PDSS1: variants seen among roughly 807,000 people sequenced by gnomAD.
The protein encoded by PDSS1 is decaprenyl diphosphate synthase subunit 1.
A neutral mutation model predicts 57.5 loss-of-function variants in PDSS1; 43 were observed. The ratio of observed to expected loss-of-function variants is 0.75; its 90% CI spans 0.59 to 0.96. PDSS1 has a LOEUF of 0.96. Ranked by LOEUF, PDSS1 falls within the 50% of genes least tolerant of loss-of-function variation. The pLI, the probability that PDSS1 is intolerant of heterozygous loss-of-function variation, is 0.00. For synonymous variants in PDSS1, 175 were observed against 191.3 expected, an observed-to-expected ratio of 0.91 and a Z score of 0.70; for missense variants, 438 against 527.8, an observed-to-expected ratio of 0.83 and a Z score of 1.67.
chr10:26,742,989 G>A (rs985599278), intron 11 of PDSS1, among the ~76,000 whole-genome samples: 1 of 152,126 alleles, frequency 6.6e-6, no homozygotes, highest in African/African-American at 2.4e-5. Flanking sequence ...GGCTGCTGCT[G>A]GACTGCTGCA....
intron 8 of PDSS1, among the ~76,000 whole-genome samples, chr10:26,731,040 C>T (rs959673885): frequency 6.6e-6 from 1 of 152,028 alleles, no homozygotes; most frequent in South Asian, 2.1e-4. Context: ...AACCCCTTCT[C>T]CACTAAAAAT....
intron 8 of PDSS1, among the ~76,000 whole-genome samples, chr10:26,728,756 T>C (rs1388941431): frequency 1.3e-5 from 2 of 150,300 alleles, no homozygotes; most frequent in African/African-American, 4.9e-5. Context: ...GCTCTTGGAT[T>C]CTTATTTTAT....
chr10:26,717,376 C>T (rs1208279706), intron 5 of PDSS1, among the ~76,000 whole-genome samples: 2 of 152,136 alleles, frequency 1.3e-5, no homozygotes, highest in Non-Finnish European at 2.9e-5. Flanking sequence ...GGATTACAGG[C>T]ACCCACTACC....
At chr10:26,735,696 G>A in intron 10 of PDSS1, 117 bp downstream of exon 10, 1 of 722,084 alleles carries the variant, frequency 1.4e-6, no homozygotes, top group Admixed American at 2.0e-5. Context: ...ATTCAGATAA[G>A]AGATCACAGG....
Position 26,742,484 on chromosome 10 carries a change from CTTTT to C in PDSS1, c.1027-9_1027-6del, listed in dbSNP as rs527296865. 4.4e-6 allele frequency: 7 copies of C among 1,593,834 alleles called. No individual in the cohort carries two copies. The highest frequency in any genetic ancestry group is 1.7e-5 in the Admixed American group (1 of 59,942). On this transcript the variant is annotated splice_polypyrimidine_tract_variant and intron_variant, in intron 10 of 11. Transcript: ENST00000376215. ...AAATAGATTTTCTCAGATTTTCTCTCTTTTTTTGTTAGTTCCCAGAAATGAATGC... is the reference window on the plus strand; with the variant it reads ...AAATAGATTTTCTCAGATTTTCTCTCTTTGTTAGTTCCCAGAAATGAATGC...
chr10:26,746,451 T>C lies in PDSS1; in HGVS notation c.1226T>C (p.Ile409Thr), dbSNP rs1178367550. Residue 409 changes from isoleucine (I) to threonine (T), a missense_variant, in exon 12 of 12, where the codon ATT becomes ACT. Coordinates refer to ENST00000376215, the MANE Select transcript of PDSS1 (RefSeq NM_014317.5). ...ERDALIQLSE[I>T]VLTRDK is the part of the protein sequence containing the mutation. ...GATGCCCTCATTCAGCTTTCAGAAA[T>C]TGTACTCACAAGAGATAAATGACAA... 3 of 1,614,134 alleles carry C rather than the reference T, an allele frequency of 1.9e-6. No individual in the cohort carries two copies. Among genetic ancestry groups the C allele is most frequent in the Non-Finnish European group, 2.5e-6 (3 of 1,180,000 alleles).
chr10:26,705,969 T>C (rs1046424276), intron 4 of PDSS1, among the ~76,000 whole-genome samples: 2 of 152,222 alleles, frequency 1.3e-5, no homozygotes, highest in African/African-American at 4.8e-5. Context: ...CAATGAGTTA[T>C]CCCACCTTTC....
chr10:26,703,056 T>G (rs1320033492), intron 2 of PDSS1, among the ~76,000 whole-genome samples: 1 of 152,230 alleles, frequency 6.6e-6, no homozygotes, highest in Non-Finnish European at 1.5e-5. Flanking sequence ...ATGTATATTG[T>G]GTACCAGGCT....
rs543847648 is a variant in PDSS1 at position 26,712,001 on chromosome 10, C to CTTT, written c.467+2249_467+2251dup. On this transcript the variant is annotated intron_variant, in intron 5 of 11. Transcript: ENST00000376215. Reference sequence around the variant, plus strand: ...ATTGGAAGTTTTTCTTTTTCTTTTTCTTTTTTTTTTTTTTTTTTGAGATGG... The same window carrying CTTT: ...ATTGGAAGTTTTTCTTTTTCTTTTTCTTTTTTTTTTTTTTTTTTTTTGAGATGG... Among the ~76,000 whole-genome samples the CTTT allele has an allele frequency of 1.9e-4, 12 of 61,922 alleles. No homozygotes were observed. The East Asian group carries it at 2.4e-3, about 12-fold the overall frequency. 40.6% of individuals were successfully genotyped at this position (61,922 alleles called of 152,430 possible).
chr10:26,734,614 G>A (rs1836326146), intron 8 of PDSS1: 1 of 452,870 alleles, frequency 2.2e-6, no homozygotes, highest in African/African-American at 2.0e-5. Flanking sequence ...TGGAAACAGT[G>A]GGACCAGTGA....
intron 8 of PDSS1, among the ~76,000 whole-genome samples, chr10:26,729,867 T>TTGC (rs1836104316): frequency 6.6e-6 from 1 of 151,718 alleles, no homozygotes; most frequent in Non-Finnish European, 1.5e-5. Flanking sequence ...CAAAACAAAT[T>TTGC]TGCAACCTCC....
intron 2 of PDSS1, among the ~76,000 whole-genome samples, chr10:26,703,279 C>T (rs989154457): frequency 6.6e-6 from 1 of 152,134 alleles, no homozygotes; most frequent in Non-Finnish European, 1.5e-5. Flanking sequence ...TCCTTCAACC[C>T]AGATTAGGGG....
At chr10:26,722,703 CA>C (rs1275596672) in intron 6 of PDSS1, among the ~76,000 whole-genome samples, 6,455 of 103,028 alleles carry the variant, frequency 0.063, 399 homozygotes, top group African/African-American at 0.19. Flanking sequence ...GACTCTTTCT[CA>C]AAAAAAAAAA....
intron 2 of PDSS1, among the ~76,000 whole-genome samples, chr10:26,703,707 A>C (rs1246933274): frequency 6.6e-6 from 1 of 152,124 alleles, no homozygotes; most frequent in African/African-American, 2.4e-5. Flanking sequence ...TGGTTTAATG[A>C]ATATGTAATG....
chr10:26,734,790 T>C (rs1421737629), intron 8 of PDSS1: 1 of 456,248 alleles, frequency 2.2e-6, no homozygotes. Flanking sequence ...ATTACATTAG[T>C]ATCTCTTCCT....
At chr10:26,698,357 C>T (rs1435389452) in intron 1 of PDSS1, among the ~76,000 whole-genome samples, 1 of 152,030 alleles carries the variant, frequency 6.6e-6, no homozygotes, top group Non-Finnish European at 1.5e-5. Context: ...TGGACCGGAC[C>T]TTAGTTGTCC....
chr10:26,704,312 T>C (rs763650998), intron 2 of PDSS1, among the ~76,000 whole-genome samples: 22 of 152,068 alleles, frequency 1.4e-4, no homozygotes, highest in Non-Finnish European at 2.8e-4. Context: ...TAAATATAAA[T>C]TCCTTCCTTG....
At chr10:26,705,827 T>G (rs1344788962) in intron 4 of PDSS1, among the ~76,000 whole-genome samples, 2 of 152,204 alleles carry the variant, frequency 1.3e-5, no homozygotes, top group Middle Eastern at 3.2e-3. Flanking sequence ...TTTCAAATGT[T>G]TCTTGAGAAG....
intron 5 of PDSS1, among the ~76,000 whole-genome samples, chr10:26,719,284 G>A (rs1033429656): frequency 6.6e-6 from 1 of 152,250 alleles, no homozygotes; most frequent in African/African-American, 2.4e-5. Flanking sequence ...AAATGAAATG[G>A]GGGACATTCC....
Sources: allele counts gnomAD v4.1 joint callset (sites outside exome capture counted in the v4.1 genomes callset), GRCh38; gene constraint gnomAD v4.1.1; transcripts MANE v1.5; gene names NCBI Gene and HGNC (gene_info 2026-07-23, HGNC 2026-07-21).